Variants in SLC9A9 observed in about 807,000 individuals in gnomAD.
SLC9A9 encodes the protein sodium/hydrogen exchanger 9.
Under a neutral mutation model 77.8 loss-of-function variants are expected in SLC9A9, and 62 were observed. The observed-to-expected ratio is 0.80, with a 90% CI of 0.65 to 0.98. SLC9A9 has a LOEUF of 0.98. SLC9A9 is among the 50% of genes least tolerant of loss of function. The pLI is 0.00. For missense variants in SLC9A9, 775 were observed against 774.9 expected (o/e 1.00, Z 0.00); for synonymous variants, 320 against 283.5 (o/e 1.13, Z -1.29).
intron 12 of SLC9A9, among the ~76,000 whole-genome samples, chr3:143,451,093 A>C (rs955974410): frequency 1.3e-5 from 2 of 152,128 alleles, no homozygotes; most frequent in Non-Finnish European, 2.9e-5. Flanking sequence ...AATCATCTCC[A>C]AACACGGGGC....
At chr3:143,601,117 T>C (rs1283750625) in intron 6 of SLC9A9, among the ~76,000 whole-genome samples, 1 of 152,216 alleles carries the variant, frequency 6.6e-6, no homozygotes, top group African/African-American at 2.4e-5. Flanking sequence ...TTGTCTTTGA[T>C]GTAATTCTGA....
At position 143,268,919 on chromosome 3, in the gene SLC9A9, A is replaced by G. The variant is rs554040681; in HGVS notation, c.1666T>C (p.Cys556Arg). 14 of 1,613,546 alleles carry G rather than the reference A, an allele frequency of 8.7e-6. No homozygotes were observed. The highest frequency in any genetic ancestry group is 1.0e-5 in the Non-Finnish European group (12 of 1,179,786). ...PPLTTTLPEW[C>R]GPISRLLTSP... ...GTAAGCAGCCTGGAAATCGGACCAC[A>G]CCATTCAGGTAATGTTGTAGTCAGC... The change falls in exon 15 of 16, where the codon TGT (cysteine) becomes CGT (arginine). Residue 556 changes from cysteine (C) to arginine (R), a missense_variant. Cys to Arg is a radical substitution (Grantham distance 180). Coordinates refer to ENST00000316549, the MANE Select transcript of SLC9A9 (RefSeq NM_173653.4).
intron 2 of SLC9A9, among the ~76,000 whole-genome samples, chr3:143,828,020 G>C (rs2009343199): frequency 6.6e-6 from 1 of 152,080 alleles, no homozygotes; most frequent in African/African-American, 2.4e-5. Context: ...TGTCCATGTG[G>C]CCTCTCAGAG....
chr3:143,284,036 AC>A (rs1169657525), intron 14 of SLC9A9, among the ~76,000 whole-genome samples: 1 of 146,990 alleles, frequency 6.8e-6, no homozygotes, highest in East Asian at 2.0e-4. Context: ...TAGTTCCAGG[AC>A]CTTTTTTTTT....
intron 9 of SLC9A9, chr3:143,517,049 A>G: frequency 1.1e-6 from 1 of 878,898 alleles, no homozygotes. Context: ...TTCTTGTTTA[A>G]TAAATAGCAT....
intron 9 of SLC9A9, among the ~76,000 whole-genome samples, chr3:143,505,350 C>T (rs1396216356): frequency 4.6e-5 from 7 of 152,118 alleles, no homozygotes; most frequent in Admixed American, 4.6e-4. Flanking sequence ...TTGCCCTGTG[C>T]CCTACAGTAA....
chr3:143,574,535 C>A (rs1466182761), intron 7 of SLC9A9, among the ~76,000 whole-genome samples: 1 of 152,074 alleles, frequency 6.6e-6, no homozygotes, highest in Non-Finnish European at 1.5e-5. Flanking sequence ...AAAACAAAGC[C>A]AAGGAGAGTG....
At chr3:143,398,832 A>G (rs987281485) in intron 12 of SLC9A9, among the ~76,000 whole-genome samples, 1 of 152,184 alleles carries the variant, frequency 6.6e-6, no homozygotes. Flanking sequence ...TGCCAAAACT[A>G]TTGTTTAAGC....
intron 4 of SLC9A9, among the ~76,000 whole-genome samples, chr3:143,782,392 G>GCATTTCTA (rs1470651648): frequency 6.6e-6 from 1 of 152,186 alleles, no homozygotes; most frequent in Non-Finnish European, 1.5e-5. Flanking sequence ...TTGAAACTCT[G>GCATTTCTA]CATTTCTAAC....
rs547085345 is a variant in SLC9A9, at chr3:143,742,474, G to C, written c.534-49167C>G. ...CTTGGGTGGTTACACCATAACCCCA[G>C]TCTAATCATGAAAAAATATCATATG... On this transcript the variant is annotated intron_variant, in intron 4 of 15. Transcript: ENST00000316549. Among the ~76,000 whole-genome samples, 52 of 152,292 alleles carry C rather than the reference G, an allele frequency of 3.4e-4. No homozygotes were observed. In the South Asian group the frequency reaches 0.011, roughly 31 times the overall value.
chr3:143,637,423 A>G (rs1159881487), intron 6 of SLC9A9, among the ~76,000 whole-genome samples: 1 of 152,260 alleles, frequency 6.6e-6, no homozygotes, highest in Admixed American at 6.5e-5. Flanking sequence ...ACCCATTCAG[A>G]CAAAAATAAA....
chr3:143,406,635 T>G (rs569217417), intron 12 of SLC9A9, among the ~76,000 whole-genome samples: 3 of 152,220 alleles, frequency 2.0e-5, no homozygotes, highest in East Asian at 3.9e-4. Context: ...ATTTCTTCAT[T>G]CTAGGAATTA....
chr3:143,589,866 A>T (rs1208968119), intron 6 of SLC9A9, among the ~76,000 whole-genome samples: 1 of 152,212 alleles, frequency 6.6e-6, no homozygotes, highest in Non-Finnish European at 1.5e-5. Flanking sequence ...TCACAGAGAA[A>T]TAACTCGAAC....
At chr3:143,465,392 T>C (rs150006057) in intron 12 of SLC9A9, among the ~76,000 whole-genome samples, 193 of 152,374 alleles carry the variant, frequency 1.3e-3, no homozygotes, top group African/African-American at 4.5e-3. Context: ...TTGAAGTCAG[T>C]GGATGCTTTT....
At chr3:143,317,845 A>C (rs1015466004) in intron 14 of SLC9A9, among the ~76,000 whole-genome samples, 2 of 152,078 alleles carry the variant, frequency 1.3e-5, no homozygotes, top group African/African-American at 4.8e-5. Context: ...CTCCTGCTTC[A>C]GCCTCCCGAG....
chr3:143,301,769 G>A (rs1335473922), intron 14 of SLC9A9, among the ~76,000 whole-genome samples: 1 of 152,126 alleles, frequency 6.6e-6, no homozygotes, highest in Non-Finnish European at 1.5e-5. Flanking sequence ...AGAGTGTTCC[G>A]CTTTCCCTTG....
chr3:143,515,816 G>A (rs183039709), intron 9 of SLC9A9, among the ~76,000 whole-genome samples: 1 of 152,088 alleles, frequency 6.6e-6, no homozygotes, highest in East Asian at 1.9e-4. Flanking sequence ...CTCTGTTTAC[G>A]AGATTGGCAT....
chr3:143,675,206 T>C (rs1247515839), intron 5 of SLC9A9, among the ~76,000 whole-genome samples: 1 of 152,230 alleles, frequency 6.6e-6, no homozygotes, highest in Non-Finnish European at 1.5e-5. Flanking sequence ...GAATTTTCCC[T>C]GCACATCAGA....
intron 6 of SLC9A9, among the ~76,000 whole-genome samples, chr3:143,622,821 A>C (rs1220776903): frequency 6.6e-6 from 1 of 151,992 alleles, no homozygotes; most frequent in East Asian, 1.9e-4. Flanking sequence ...ACAGACTGGC[A>C]AATTTGATAG....
Sources: gnomAD v4.1 joint callset for allele counts (sites outside exome capture counted in the v4.1 genomes callset) on GRCh38, gnomAD v4.1.1 for gene constraint, MANE v1.5 for transcripts, NCBI Gene and HGNC (gene_info 2026-07-23, HGNC 2026-07-21) for gene names.